Variants in LPP observed in about 807,000 individuals in gnomAD.
LPP encodes the protein lipoma-preferred partner.
In LPP, 38 loss-of-function variants were observed where a neutral mutation model predicts 60.4. The observed-to-expected ratio is 0.63, with a 90% CI of 0.49 to 0.83. LPP has a LOEUF of 0.83. LPP is among the 40% of genes least tolerant of loss of function. The probability of loss-of-function intolerance (pLI) is 0.00; values close to 1 mark genes in which losing one functional copy is unlikely to be tolerated. For missense variants in LPP, 902 were observed against 783.6 expected (o/e 1.15, Z -1.80); for synonymous variants, 328 against 290.8 (o/e 1.13, Z -1.30).
intron 6 of LPP, among the ~76,000 whole-genome samples, chr3:188,541,391 C>T (rs1383230212): frequency 2.6e-5 from 4 of 152,150 alleles, no homozygotes; most frequent in Non-Finnish European, 5.9e-5. Flanking sequence ...GCACTGTCTT[C>T]CTCTGTTCTC....
rs1347491681 is a variant in LPP at position 188,875,525 on chromosome 3, A to G, written c.*1046A>G. ...TTGCCTGACAATTGCAAATCAGAGC[A>G]TACAAAATAAAACTGTGCAGTTTTG... is the stretch of plus-strand genomic sequence containing the variant. On this transcript the variant is annotated 3_prime_UTR_variant, in exon 12 of 12. Transcript: ENST00000617246. The G allele has an allele frequency of 4.7e-6, 1 of 213,742 alleles. No individual in the cohort carries two copies. Among genetic ancestry groups the G allele is most frequent in the South Asian group, 1.9e-4 (1 of 5,382 alleles). 13.2% of individuals were successfully genotyped at this position (213,742 alleles called of 1,614,324 possible).
At chr3:188,309,842 A>G (rs570333156) in intron 2 of LPP, among the ~76,000 whole-genome samples, 6 of 152,246 alleles carry the variant, frequency 3.9e-5, no homozygotes, top group Non-Finnish European at 8.8e-5. Flanking sequence ...GAACTTGGCT[A>G]TCGCAAAAAC....
intron 3 of LPP, among the ~76,000 whole-genome samples, chr3:188,362,887 A>G (rs1769928444): frequency 6.6e-6 from 1 of 152,238 alleles, no homozygotes; most frequent in South Asian, 2.1e-4. Flanking sequence ...AAATAATGTA[A>G]TCTAAGTTCA....
chr3:188,843,679 C>G (rs543001930), intron 9 of LPP, among the ~76,000 whole-genome samples: 134 of 143,932 alleles, frequency 9.3e-4, no homozygotes, highest in Non-Finnish European at 1.1e-3. Flanking sequence ...CCCAGCTACT[C>G]GGGAGGCTGA....
At chr3:188,405,037 T>C (rs924003181) in intron 3 of LPP, among the ~76,000 whole-genome samples, 5 of 152,220 alleles carry the variant, frequency 3.3e-5, no homozygotes, top group African/African-American at 1.2e-4. Flanking sequence ...ATTGTTCCCC[T>C]CCTAGTTTAA....
At chr3:188,558,958 C>T (rs555944428) in intron 6 of LPP, among the ~76,000 whole-genome samples, 30 of 152,210 alleles carry the variant, frequency 2.0e-4, no homozygotes, top group African/African-American at 2.9e-4. Flanking sequence ...AAGATCTTGA[C>T]TTTTTTGTAT....
intron 6 of LPP, among the ~76,000 whole-genome samples, chr3:188,563,460 A>ATGTGTGTGTGTGTGTGTGTGTGTG (rs59514913): frequency 3.8e-4 from 54 of 142,032 alleles, no homozygotes; most frequent in African/African-American, 1.1e-3. Flanking sequence ...TTACATATAT[A>ATGTGTGTGTGTGTGTGTGTGTGTG]TGTGTGTGTG....
At chr3:188,545,020 C>A (rs764775583) in intron 6 of LPP, among the ~76,000 whole-genome samples, 1 of 71,606 alleles carries the variant, frequency 1.4e-5, no homozygotes, top group Middle Eastern at 5.6e-3. Context: ...AACCAAACAC[C>A]GCATATTCTC....
At chr3:188,871,057 G>A (rs1767975050) in intron 10 of LPP, among the ~76,000 whole-genome samples, 1 of 152,074 alleles carries the variant, frequency 6.6e-6, no homozygotes, top group African/African-American at 2.4e-5. Context: ...GAAACTTAGA[G>A]TTTAGTGCCC....
intron 3 of LPP, among the ~76,000 whole-genome samples, chr3:188,346,359 A>G (rs889437981): frequency 6.9e-6 from 1 of 144,274 alleles, no homozygotes; most frequent in Non-Finnish European, 1.5e-5. Flanking sequence ...TCCCAGGTTC[A>G]AGCAATTCTC....
intron 9 of LPP, among the ~76,000 whole-genome samples, chr3:188,841,608 T>C (rs1443783645): frequency 1.3e-5 from 2 of 152,100 alleles, no homozygotes; most frequent in Admixed American, 6.5e-5. Flanking sequence ...GCCAGGATGG[T>C]CTCTATCTCT....
At chr3:188,194,556 C>A (rs576857799) in intron 1 of LPP, among the ~76,000 whole-genome samples, 2 of 152,124 alleles carry the variant, frequency 1.3e-5, no homozygotes, top group South Asian at 2.1e-4. Flanking sequence ...TCAGGGAAAA[C>A]CTAGTTTCTT....
At chr3:188,311,236 T>C (rs1753304701) in intron 2 of LPP, among the ~76,000 whole-genome samples, 1 of 151,642 alleles carries the variant, frequency 6.6e-6, no homozygotes, top group South Asian at 2.1e-4. Context: ...ACTATGGGAG[T>C]CTGCAGTGGG....
intron 3 of LPP, among the ~76,000 whole-genome samples, chr3:188,363,482 G>T (rs1229787857): frequency 6.6e-6 from 1 of 152,202 alleles, no homozygotes; most frequent in Non-Finnish European, 1.5e-5. Flanking sequence ...AACTGTAGGA[G>T]TTTCATATTT....
intron 2 of LPP, among the ~76,000 whole-genome samples, chr3:188,244,861 G>A (rs189725935): frequency 1.3e-5 from 2 of 152,178 alleles, no homozygotes; most frequent in Non-Finnish European, 2.9e-5. Flanking sequence ...GCCTCAGCAT[G>A]TACATCGGTA....
At chr3:188,368,938 ATC>A (rs1218217419) in intron 3 of LPP, among the ~76,000 whole-genome samples, 2 of 152,156 alleles carry the variant, frequency 1.3e-5, no homozygotes, top group African/African-American at 2.4e-5. Context: ...GCCACATTTT[ATC>A]TCTCTGTCTT....
chr3:188,335,577 T>C (rs1476003229), intron 2 of LPP, among the ~76,000 whole-genome samples: 1 of 152,186 alleles, frequency 6.6e-6, no homozygotes, highest in Non-Finnish European at 1.5e-5. Flanking sequence ...GATTTATTCT[T>C]TTTTATTATG....
At chr3:188,588,440 G>T (rs773861844) in intron 6 of LPP, among the ~76,000 whole-genome samples, 1 of 152,088 alleles carries the variant, frequency 6.6e-6, no homozygotes, top group African/African-American at 2.4e-5. Flanking sequence ...TTCACAATCT[G>T]TCCTGGTCTA....
intron 6 of LPP, among the ~76,000 whole-genome samples, chr3:188,546,510 C>T (rs757728805): frequency 2.6e-5 from 4 of 152,152 alleles, no homozygotes; most frequent in South Asian, 2.1e-4. Context: ...AAAGAAGCAA[C>T]GTAACATTTC....
Sources: allele counts gnomAD v4.1 joint callset (sites outside exome capture counted in the v4.1 genomes callset), GRCh38; gene constraint gnomAD v4.1.1; transcripts MANE v1.5; gene names NCBI Gene and HGNC (gene_info 2026-07-23, HGNC 2026-07-21).